Variants in GPR158 observed in about 807,000 individuals in gnomAD.
GPR158 encodes the protein G protein-coupled receptor 158.
In GPR158, 30 loss-of-function variants were observed where a neutral mutation model predicts 78.2. The observed-to-expected ratio is 0.38, with a 90% CI of 0.29 to 0.52. The LOEUF is 0.52. Among genes scored for constraint, GPR158 ranks in the 20% least tolerant of loss-of-function variants. The pLI is 0.83. For missense variants in GPR158, 1,463 were observed against 1,523.5 expected, an observed-to-expected ratio of 0.96 and a Z score of 0.66; for synonymous variants, 581 against 591.1, an observed-to-expected ratio of 0.98 and a Z score of 0.25.
At chr10:25,213,822 TATC>T (rs1306439516) in intron 1 of GPR158, among the ~76,000 whole-genome samples, 1 of 152,132 alleles carries the variant, frequency 6.6e-6, no homozygotes, top group Admixed American at 6.5e-5. Context: ...TTATATTGTC[TATC>T]ATCTTATCTT....
At chr10:25,217,179 C>T (rs1853227835) in intron 1 of GPR158, among the ~76,000 whole-genome samples, 1 of 152,156 alleles carries the variant, frequency 6.6e-6, no homozygotes, top group African/African-American at 2.4e-5. Context: ...ATTTTGAATG[C>T]AATGGTCTCT....
In GPR158 at chr10:25,383,171, A is replaced by G. The variant is rs79642724; in HGVS notation, c.1009-12740A>G. On this transcript the variant is annotated intron_variant, in intron 2 of 10. Transcript: ENST00000376351. ...ATTCAACGTTTTAAAGTATTTCTTC[A>G]TAAGTTACAAAGAAGGAGTAAAAAA... Among the ~76,000 whole-genome samples the G allele has an allele frequency of 6.0e-3, 915 of 152,336 alleles. 10 individuals are homozygous for G. Among genetic ancestry groups the G allele is most frequent in the African/African-American group, 0.021 (871 of 41,568 alleles).
intron 1 of GPR158, among the ~76,000 whole-genome samples, chr10:25,193,365 G>A (rs1281743447): frequency 6.6e-6 from 1 of 152,164 alleles, no homozygotes; most frequent in African/African-American, 2.4e-5. Context: ...TCTGAGCTGA[G>A]GAAGGAAGGA....
At chr10:25,300,823 G>A (rs1854581123) in intron 2 of GPR158, among the ~76,000 whole-genome samples, 1 of 152,070 alleles carries the variant, frequency 6.6e-6, no homozygotes, top group Non-Finnish European at 1.5e-5. Flanking sequence ...GAAATAAAGG[G>A]AGAAGGAGGG....
At chr10:25,401,641 T>A (rs1239626640) in intron 3 of GPR158, among the ~76,000 whole-genome samples, 1 of 152,064 alleles carries the variant, frequency 6.6e-6, no homozygotes, top group East Asian at 1.9e-4. Flanking sequence ...TTTACTTTAC[T>A]AGACTGCTAA....
chr10:25,487,710 G>A (rs3005190), intron 5 of GPR158, among the ~76,000 whole-genome samples: 94,557 of 144,704 alleles, frequency 0.65, 29,990 homozygotes, highest in East Asian at 0.99. Flanking sequence ...ATTCATATAG[G>A]GTAAGTTAAG....
chr10:25,316,306 A>C (rs949594051), intron 2 of GPR158, among the ~76,000 whole-genome samples: 1 of 152,344 alleles, frequency 6.6e-6, no homozygotes, highest in Middle Eastern at 3.4e-3. Context: ...CATAGTGCCT[A>C]TAAAATCTCA....
At chr10:25,518,506 A>T (rs1836214391) in intron 5 of GPR158, among the ~76,000 whole-genome samples, 1 of 91,762 alleles carries the variant, frequency 1.1e-5, no homozygotes, top group Non-Finnish European at 2.2e-5. Context: ...TCTTGTGGGC[A>T]TTTAGTGCTA....
chr10:25,356,362 T>C (rs571167263), intron 2 of GPR158, among the ~76,000 whole-genome samples: 5 of 152,188 alleles, frequency 3.3e-5, no homozygotes, highest in Admixed American at 6.5e-5. Context: ...GTTTCTACAC[T>C]GCCATTTTGG....
At chr10:25,347,996 T>C (rs1281469214) in intron 2 of GPR158, among the ~76,000 whole-genome samples, 1 of 151,890 alleles carries the variant, frequency 6.6e-6, no homozygotes, top group Admixed American at 6.6e-5. Flanking sequence ...TTGCGGCAAA[T>C]GTCTGTTGGA....
chr10:25,188,294 A>G (rs550300558), intron 1 of GPR158, among the ~76,000 whole-genome samples: 5 of 152,336 alleles, frequency 3.3e-5, no homozygotes, highest in African/African-American at 9.6e-5. Flanking sequence ...TTTAAAGTTC[A>G]TGTGGAGCCA....
chr10:25,569,784 A>G (rs1836980432), intron 6 of GPR158, among the ~76,000 whole-genome samples: 2 of 152,324 alleles, frequency 1.3e-5, no homozygotes, highest in African/African-American at 2.4e-5. Flanking sequence ...TGCTAGCCAC[A>G]TACAATATAT....
At chr10:25,524,105 TA>T in intron 5 of GPR158, among the ~76,000 whole-genome samples, 2 of 152,104 alleles carry the variant, frequency 1.3e-5, no homozygotes, top group South Asian at 4.1e-4. Context: ...ACAAATCTAA[TA>T]AAAGAAGTGC....
chr10:25,282,800 T>C (rs1167616004), intron 2 of GPR158, among the ~76,000 whole-genome samples: 1 of 152,184 alleles, frequency 6.6e-6, no homozygotes, highest in Non-Finnish European at 1.5e-5. Flanking sequence ...TTTGAGTGTG[T>C]GTGCTCATTT....
intron 2 of GPR158, among the ~76,000 whole-genome samples, chr10:25,388,791 G>A (rs1003872046): frequency 6.6e-5 from 10 of 152,218 alleles, no homozygotes; most frequent in South Asian, 2.1e-4. Flanking sequence ...CTCTTGGGGG[G>A]CCTGGGAAGG....
intron 2 of GPR158, among the ~76,000 whole-genome samples, chr10:25,235,693 A>ATTTTTT (rs930396368): frequency 1.8e-5 from 2 of 113,822 alleles, no homozygotes; most frequent in Non-Finnish European, 3.6e-5. Context: ...TTGCACAGTA[A>ATTTTTT]TTTTTTTTTT....
intron 4 of GPR158, among the ~76,000 whole-genome samples, chr10:25,432,329 A>T (rs1459413675): frequency 6.6e-6 from 1 of 152,144 alleles, no homozygotes; most frequent in Non-Finnish European, 1.5e-5. Flanking sequence ...GGAACTACCT[A>T]CTCCCATCTA....
intron 4 of GPR158, among the ~76,000 whole-genome samples, chr10:25,463,455 G>C (rs1422574195): frequency 6.6e-6 from 1 of 151,752 alleles, no homozygotes; most frequent in South Asian, 2.1e-4. Context: ...ATATAGATGA[G>C]GTATGCCTGG....
chr10:25,575,553 G>A (rs4749049), intron 7 of GPR158, among the ~76,000 whole-genome samples: 83,576 of 151,828 alleles, frequency 0.55, 24,966 homozygotes, highest in African/African-American at 0.79. Context: ...TCTGTGTTTC[G>A]TAAGTGTTCC....
Sources: gnomAD v4.1 joint callset for allele counts (sites outside exome capture counted in the v4.1 genomes callset) on GRCh38, gnomAD v4.1.1 for gene constraint, MANE v1.5 for transcripts, NCBI Gene and HGNC (gene_info 2026-07-23, HGNC 2026-07-21) for gene names.